The following BPTF variants were observed in gnomAD, a reference collection of about 807,000 sequenced individuals.
The protein encoded by BPTF is nucleosome-remodeling factor subunit BPTF.
BPTF carries 18 observed loss-of-function variants against 292.5 expected under a neutral mutation model. The ratio of observed to expected loss-of-function variants is 0.06; its 90% CI spans 0.04 to 0.09. The LOEUF (loss-of-function observed/expected upper bound fraction) is 0.09, where lower values mean the gene tolerates loss of function less well. BPTF is among the 10% of genes least tolerant of loss of function. BPTF has a pLI of 1.00. For missense variants in BPTF, 2,726 were observed against 3,498.7 expected (o/e 0.78, Z 5.57); for synonymous variants, 1,225 against 1,251.9 (o/e 0.98, Z 0.45).
intron 23 of BPTF, among the ~76,000 whole-genome samples, chr17:67,954,065 C>T (rs1328129808): frequency 1.4e-5 from 2 of 139,774 alleles, no homozygotes; most frequent in African/African-American, 5.4e-5. Context: ...CAGCACACCA[C>T]AGCTTCCACC....
At chr17:67,832,469 T>C (rs1427139949) in intron 1 of BPTF, among the ~76,000 whole-genome samples, 1 of 152,226 alleles carries the variant, frequency 6.6e-6, no homozygotes, top group African/African-American at 2.4e-5. Context: ...CAGTAATAGC[T>C]AAATTTATTG....
At position 67,912,012 on chromosome 17, in the gene BPTF, T is replaced by G; in HGVS notation, c.4128T>G (p.Ser1376Arg). The G allele has an allele frequency of 6.2e-7, 1 of 1,613,404 alleles. No homozygotes were observed. The highest frequency in any genetic ancestry group is 8.5e-7 in the Non-Finnish European group (1 of 1,179,874). The change falls in exon 11 of 28, where the codon AGT becomes AGG. Residue 1376 changes from serine to arginine, a missense_variant. Ser to Arg is a moderately radical substitution (Grantham distance 110). Around this residue, in one of 22 missense-constraint regions of BPTF, gnomAD observed 713 missense variants for 714.9 expected, o/e 1.00. Transcript: ENST00000306378. ...AGGAGAGACCAGTTAATAAATGTAG[T>G]GATCAAATAAAGCTAAAAAATACCA... ...KLEERPVNKC[S>R]DQIKLKNTTD...
intron 15 of BPTF, among the ~76,000 whole-genome samples, chr17:67,926,956 T>C (rs2147382173): frequency 6.6e-6 from 1 of 152,192 alleles, no homozygotes; most frequent in South Asian, 2.1e-4. Flanking sequence ...TCAGATGATG[T>C]CTCTAAGAGT....
intron 27 of BPTF, among the ~76,000 whole-genome samples, chr17:67,979,292 A>G (rs1305072867): frequency 6.6e-6 from 1 of 152,022 alleles, no homozygotes; most frequent in Non-Finnish European, 1.5e-5. Context: ...TTACATCTGT[A>G]ATACCAACAC....
chr17:67,864,334 C>A (rs925735460), intron 2 of BPTF, among the ~76,000 whole-genome samples: 110 of 151,926 alleles, frequency 7.2e-4, no homozygotes, highest in Non-Finnish European at 9.6e-4. Flanking sequence ...CAAGACTAGC[C>A]TGGCCAACAT....
In BPTF at chr17:67,912,337, T is replaced by C. The variant is rs1020614094; in HGVS notation, c.4453T>C (p.Ser1485Pro). 1.9e-6 allele frequency: 3 copies of C among 1,613,848 alleles called. No individual in the cohort carries two copies. Among genetic ancestry groups the C allele is most frequent in the Non-Finnish European group, 2.5e-6 (3 of 1,179,878 alleles). The part of the protein sequence containing the change: ...FNERNSSETK[S>P]HLLSSSDAEG... ...TGAAAGAAACAGCTCCGAAACAAAATCGCATTTGCTGAGTTCTTCAGATGC... is the reference window on the plus strand; with the variant it reads ...TGAAAGAAACAGCTCCGAAACAAAACCGCATTTGCTGAGTTCTTCAGATGC... The change falls in exon 11 of 28, where the codon TCG becomes CCG. Residue 1485 changes from serine (S) to proline (P), a missense_variant. This residue lies in a region of BPTF where 713 missense variants were observed against 714.9 expected (regional missense o/e 1.00). Transcript: ENST00000306378.
At chr17:67,933,262 G>GAA (rs76194753) in intron 18 of BPTF, among the ~76,000 whole-genome samples, 2 of 132,744 alleles carry the variant, frequency 1.5e-5, no homozygotes, top group Non-Finnish European at 1.6e-5. Context: ...CCGTCTGAAG[G>GAA]AAAAAAAAAA....
intron 1 of BPTF, among the ~76,000 whole-genome samples, chr17:67,842,817 C>CAA (rs60085248): frequency 0.22 from 10,260 of 47,350 alleles, 747 homozygotes; most frequent in East Asian, 0.53. Context: ...CAATTAAGGC[C>CAA]AAAAAAAAAA....
rs750734356 is a variant in BPTF at position 67,921,785 on chromosome 17, G to A, written c.5558-1055G>A. On this transcript the variant is annotated intron_variant, in intron 13 of 27. Coordinates refer to ENST00000306378, the MANE Select transcript of BPTF (RefSeq NM_182641.4). ...GGTGGCTTCCGCCTGTAATTCCAGC[G>A]CTTTGGGAGGCCAAGGCGGGTGGGT... 8.6e-5 allele frequency among the ~76,000 whole-genome samples: 13 copies of A among 151,582 alleles called. No individual in the cohort carries two copies. The East Asian group carries it at 2.2e-3, about 25-fold the overall frequency.
intron 9 of BPTF, among the ~76,000 whole-genome samples, chr17:67,907,782 A>G (rs1201682777): frequency 2.6e-5 from 4 of 152,316 alleles, no homozygotes; most frequent in South Asian, 4.1e-4. Flanking sequence ...ACATTTTTCC[A>G]TAACCATCAT....
chr17:67,949,320 G>T (rs1013376559), intron 23 of BPTF, among the ~76,000 whole-genome samples: 6 of 151,530 alleles, frequency 4.0e-5, no homozygotes, highest in Admixed American at 3.9e-4. Context: ...AGCCTTGATC[G>T]CACCACTGCA....
At chr17:67,930,874 G>C (rs541614905) in intron 17 of BPTF, among the ~76,000 whole-genome samples, 1 of 151,794 alleles carries the variant, frequency 6.6e-6, no homozygotes, top group African/African-American at 2.4e-5. Context: ...AGAATTGCTC[G>C]AACCCACAAG....
intron 1 of BPTF, 37 bp from the exon 2 acceptor site, chr17:67,853,903 G>A: frequency 1.3e-6 from 2 of 1,495,704 alleles, no homozygotes; most frequent in Non-Finnish European, 9.2e-7. Context: ...ATGATGTAAT[G>A]TATTGATTTG....
At chr17:67,868,490 G>T (rs2059518647) in intron 3 of BPTF, among the ~76,000 whole-genome samples, 1 of 152,140 alleles carries the variant, frequency 6.6e-6, no homozygotes, top group Non-Finnish European at 1.5e-5. Flanking sequence ...ATATTCAAGG[G>T]TTCTGCATCC....
At chr17:67,828,282 T>G (rs556186769) in intron 1 of BPTF, among the ~76,000 whole-genome samples, 3 of 152,284 alleles carry the variant, frequency 2.0e-5, no homozygotes, top group African/African-American at 4.8e-5. Flanking sequence ...CATGTTGGTC[T>G]TCTTTGCACC....
intron 1 of BPTF, among the ~76,000 whole-genome samples, chr17:67,848,409 A>G (rs1391038908): frequency 6.6e-6 from 1 of 152,168 alleles, no homozygotes; most frequent in Non-Finnish European, 1.5e-5. Context: ...AATTGCCTGT[A>G]ATATAATTGT....
In BPTF at chr17:67,861,169, T is replaced by C. The variant is rs544823413; in HGVS notation, c.1437-5295T>C. Among the ~76,000 whole-genome samples, 217 of 152,320 alleles carry C rather than the reference T, an allele frequency of 1.4e-3. 1 individual carries two copies. The highest frequency in any genetic ancestry group is 1.4e-3 in the Non-Finnish European group (97 of 68,034). Reference sequence around the variant, plus strand: ...CCACCAGCTGCTCAAGCTAGAAATATGAGAATAAACTTTTTCCTTTATTGT... The same window carrying C: ...CCACCAGCTGCTCAAGCTAGAAATACGAGAATAAACTTTTTCCTTTATTGT... On this transcript the variant is annotated intron_variant, in intron 2 of 27. Transcript: ENST00000306378.
chr17:67,976,474 G>A lies in BPTF; in HGVS notation c.8726+516G>A, dbSNP rs1187852317. Among the ~76,000 whole-genome samples, 4 of 152,092 alleles carry A rather than the reference G, an allele frequency of 2.6e-5. No homozygotes were observed. The East Asian group carries it at 7.7e-4, about 29-fold the overall frequency. ...GGTGACAATGAGACTCTCACAGGAG[G>A]TGGGGGGAACATCCCAGCCTTGTCA... On this transcript the variant is annotated intron_variant, in intron 27 of 27. Coordinates refer to ENST00000306378, the MANE Select transcript of BPTF (RefSeq NM_182641.4).
At chr17:67,901,584 G>A (rs1286940603) in intron 7 of BPTF, among the ~76,000 whole-genome samples, 1 of 152,060 alleles carries the variant, frequency 6.6e-6, no homozygotes, top group African/African-American at 2.4e-5. Flanking sequence ...ACTACTAATA[G>A]TCTAATACAA....
Sources: gnomAD v4.1 joint callset for allele counts (sites outside exome capture counted in the v4.1 genomes callset) on GRCh38, gnomAD v4.1.1 for gene constraint, gnomAD v4.1.1 regional missense constraint, MANE v1.5 for transcripts, NCBI Gene and HGNC (gene_info 2026-07-23, HGNC 2026-07-21) for gene names.